RFTN2: variants seen among roughly 807,000 people sequenced by gnomAD.
The protein encoded by RFTN2 is raftlin-2.
In RFTN2, 34 loss-of-function variants were observed where a neutral mutation model predicts 52.7. That is an observed-to-expected ratio of 0.64 (90% CI 0.49 to 0.86). The LOEUF (loss-of-function observed/expected upper bound fraction) is 0.86. RFTN2 is among the 40% of genes least tolerant of loss of function. The pLI is 0.00. For synonymous variants in RFTN2, 203 were observed against 217.7 expected (o/e 0.93, Z 0.59); for missense variants, 536 against 600.1 (o/e 0.89, Z 1.12).
At chr2:197,613,298 G>C (rs146234704) in intron 7 of RFTN2, among the ~76,000 whole-genome samples, 2 of 152,140 alleles carry the variant, frequency 1.3e-5, no homozygotes, top group African/African-American at 4.8e-5. Flanking sequence ...GGTACTTTGC[G>C]TGTATTATCT....
chr2:197,660,660 A>T (rs2088964664), intron 1 of RFTN2, among the ~76,000 whole-genome samples: 1 of 151,216 alleles, frequency 6.6e-6, no homozygotes, highest in African/African-American at 2.4e-5. Context: ...GGTTCAAGTG[A>T]TTCTCGTGTC....
intron 1 of RFTN2, among the ~76,000 whole-genome samples, chr2:197,649,149 C>T (rs1311180826): frequency 6.6e-6 from 1 of 152,096 alleles, no homozygotes. Flanking sequence ...AACAATTGTT[C>T]ACACTATCTA....
chr2:197,669,687 G>A (rs757760984), intron 1 of RFTN2, among the ~76,000 whole-genome samples: 2 of 152,200 alleles, frequency 1.3e-5, no homozygotes, highest in Non-Finnish European at 2.9e-5. Context: ...ATCCAATGCC[G>A]TTGCTAATTA....
intron 5 of RFTN2, among the ~76,000 whole-genome samples, chr2:197,623,822 G>A (rs767496147): frequency 3.0e-4 from 46 of 152,026 alleles, no homozygotes; most frequent in Non-Finnish European, 4.0e-4. Flanking sequence ...GTGTCACTAC[G>A]TCTGGCTAAT....
chr2:197,652,080 C>G (rs768424056), intron 1 of RFTN2, among the ~76,000 whole-genome samples: 3 of 152,162 alleles, frequency 2.0e-5, no homozygotes, highest in Non-Finnish European at 4.4e-5. Context: ...TGGAAATCCT[C>G]TTGGTATCTT....
intron 1 of RFTN2, among the ~76,000 whole-genome samples, chr2:197,647,125 C>T: frequency 6.6e-6 from 1 of 152,046 alleles, no homozygotes. Flanking sequence ...GACTATATTT[C>T]CATTAATAGA....
rs1372031834 is a variant in RFTN2 at position 197,646,795 on chromosome 2, A to G, written c.140-129T>C. 16 of 622,860 alleles carry G rather than the reference A, an allele frequency of 2.6e-5. No individual in the cohort carries two copies. In the East Asian group the frequency reaches 5.5e-4, roughly 21 times the overall value. The allele number at this position is 622,860 out of a possible 1,614,324, so 38.6% of individuals were successfully genotyped here. On this transcript the variant is annotated intron_variant, in intron 1 of 8. Transcript: ENST00000295049. ...CCGGGTGCAATGGCACATGCGTGTA[A>G]TCCCAGCACTTTGGAAGGCTGAGGC... is the stretch of plus-strand genomic sequence containing the variant.
rs746587787 is a variant in RFTN2, at chr2:197,631,143, G to C, written c.796C>G (p.Leu266Val). 1 of 1,613,472 alleles carries C rather than the reference G, an allele frequency of 6.2e-7. No homozygotes were observed. The highest frequency in any genetic ancestry group is 8.5e-7 in the Non-Finnish European group (1 of 1,179,578). The change falls in exon 5 of 9, where the codon CTG (leucine) becomes GTG (valine). Residue 266 changes from leucine (L) to valine (V), a missense_variant. Physicochemically the swap from Leu to Val is conservative, Grantham distance 32. Transcript: ENST00000295049. The part of the protein sequence containing the change: ...STSWAYQEGI[L>V]SMKVTRKGSV... ...CCTTTTCTTGTTACTTTCATTGACA[G>C]GATGCCTTCCTGATAGGCCCAGGAG...
chr2:197,667,451 T>G (rs886281081), intron 1 of RFTN2, among the ~76,000 whole-genome samples: 5 of 152,246 alleles, frequency 3.3e-5, no homozygotes, highest in Admixed American at 3.3e-4. Flanking sequence ...TTCTTTTTGT[T>G]TGTGATCTGT....
At chr2:197,578,625 C>T (rs1466728223) in intron 8 of RFTN2, among the ~76,000 whole-genome samples, 4 of 152,164 alleles carry the variant, frequency 2.6e-5, no homozygotes, top group East Asian at 1.9e-4. Flanking sequence ...TAATTTTCCA[C>T]TACCTACCCA....
intron 1 of RFTN2, among the ~76,000 whole-genome samples, chr2:197,653,525 T>C (rs1364710602): frequency 6.6e-6 from 1 of 150,982 alleles, no homozygotes. Flanking sequence ...GACATGCTCA[T>C]TAAAAAATAT....
rs1261565805 is a variant in RFTN2, at chr2:197,629,660, TA to T, written c.928+1350del. 2.2e-5 allele frequency among the ~76,000 whole-genome samples: 3 copies of T among 133,912 alleles called. No individual in the cohort carries two copies. In the East Asian group the frequency reaches 7.1e-4, roughly 32 times the overall value. The allele number at this position is 133,912 out of a possible 152,430, so 87.9% of individuals were successfully genotyped here. ...CCAATAACCAAAAAATATGAAGAAA[TA>T]TTTTTAATTTTTATACACACACACA... On this transcript the variant is annotated intron_variant, in intron 5 of 8. Transcript: ENST00000295049.
chr2:197,612,407 G>A (rs79647329), intron 7 of RFTN2, among the ~76,000 whole-genome samples: 3,025 of 152,248 alleles, frequency 0.02, 65 homozygotes, highest in Non-Finnish European at 0.025. Flanking sequence ...TTGGAGAGGG[G>A]AGCCATGCTG....
chr2:197,673,120 T>C (rs1252865800), intron 1 of RFTN2, among the ~76,000 whole-genome samples: 1 of 152,088 alleles, frequency 6.6e-6, no homozygotes, highest in Non-Finnish European at 1.5e-5. Flanking sequence ...AGAGACAGGC[T>C]CATCATGAGC....
At chr2:197,669,782 C>A (rs897861091) in intron 1 of RFTN2, among the ~76,000 whole-genome samples, 1 of 152,166 alleles carries the variant, frequency 6.6e-6, no homozygotes, top group African/African-American at 2.4e-5. Flanking sequence ...CAGTCTGCAG[C>A]CTGGGGGCTG....
chr2:197,659,382 C>T (rs551606081), intron 1 of RFTN2, among the ~76,000 whole-genome samples: 232 of 151,290 alleles, frequency 1.5e-3, no homozygotes, highest in Non-Finnish European at 2.5e-3. Flanking sequence ...TCCTGTAGGC[C>T]CAGCTACTTG....
chr2:197,574,018 G>A (rs1031810637), intron 8 of RFTN2, among the ~76,000 whole-genome samples: 2 of 152,234 alleles, frequency 1.3e-5, no homozygotes, highest in Admixed American at 6.5e-5. Flanking sequence ...CAGGGATGGA[G>A]CCCTAATGGA....
At chr2:197,591,411 G>A (rs574807279) in intron 8 of RFTN2, among the ~76,000 whole-genome samples, 4 of 152,240 alleles carry the variant, frequency 2.6e-5, no homozygotes, top group South Asian at 2.1e-4. Context: ...TACAGAGTGC[G>A]GATTGGTGTA....
intron 8 of RFTN2, among the ~76,000 whole-genome samples, chr2:197,579,559 G>A (rs543220297): frequency 2.0e-5 from 3 of 152,082 alleles, no homozygotes; most frequent in South Asian, 4.2e-4. Context: ...AATTCTTGTC[G>A]TGAAATGGGC....
Sources: gnomAD v4.1 joint callset for allele counts (sites outside exome capture counted in the v4.1 genomes callset) on GRCh38, gnomAD v4.1.1 for gene constraint, MANE v1.5 for transcripts, NCBI Gene and HGNC (gene_info 2026-07-23, HGNC 2026-07-21) for gene names.